Variants in CHD5 observed in about 807,000 individuals in gnomAD.
CHD5 encodes ATP-dependent chromatin remodeler CHD5.
In CHD5, 69 loss-of-function variants were observed where a neutral mutation model predicts 230.3. That is an observed-to-expected ratio of 0.30 (90% CI 0.25 to 0.37). CHD5 has a LOEUF of 0.37. Ranked by LOEUF, CHD5 falls within the 10% of genes least tolerant of loss-of-function variation. CHD5 has a pLI of 1.00. For missense variants in CHD5, 1,827 were observed against 2,622.8 expected (o/e 0.70, Z 6.63); for synonymous variants, 1,064 against 1,065.9 (o/e 1.00, Z 0.03).
chr1:6,169,722 A>G (rs1482378989), intron 1 of CHD5, among the ~76,000 whole-genome samples: 1 of 152,180 alleles, frequency 6.6e-6, no homozygotes, highest in South Asian at 2.1e-4. Flanking sequence ...AGAACCTCCA[A>G]GAGTCCTCTA....
At chr1:6,179,201 C>T (rs1028370830) in intron 1 of CHD5, among the ~76,000 whole-genome samples, 5 of 152,214 alleles carry the variant, frequency 3.3e-5, no homozygotes, top group African/African-American at 7.2e-5. Flanking sequence ...GCGTCAGGCC[C>T]GTAGCCAAGG....
rs772682936 is a variant in CHD5 at position 6,146,326 on chromosome 1, C to T, written c.1688G>A (p.Gly563Asp). ...CTTGTTCTTCCTCTTCTCGCTCTTG[C>T]CGTCTTCATCCCCAGAGCCGTAGTC... is the stretch of plus-strand genomic sequence containing the variant. ...PFDYGSGDED[G>D]KSEKRKNKDP... is the part of the protein sequence containing the mutation. The change falls in exon 11 of 42, where the codon GGC becomes GAC. Residue 563 changes from glycine (G) to aspartate (D), a missense_variant. Physicochemically the swap from Gly to Asp is moderately conservative, Grantham distance 94 (BLOSUM62 -1). Transcript: ENST00000262450. The surrounding 1 kb of genome is among the most constrained non-coding windows in gnomAD (Gnocchi z 5.1). 3 of 1,614,180 alleles carry T rather than the reference C, an allele frequency of 1.9e-6. No individual in the cohort carries two copies. The highest frequency in any genetic ancestry group is 1.1e-5 in the South Asian group (1 of 91,090).
At chr1:6,174,157 G>A (rs1335243704) in intron 1 of CHD5, among the ~76,000 whole-genome samples, 2 of 151,552 alleles carry the variant, frequency 1.3e-5, no homozygotes, top group African/African-American at 2.4e-5. Context: ...ACAAAAGAGA[G>A]AAAAACGGCC....
At position 6,159,531 on chromosome 1, in the gene CHD5, G is replaced by A; in HGVS notation, c.208-16C>T. The A allele has an allele frequency of 1.3e-6, 2 of 1,588,366 alleles. No homozygotes were observed. The highest frequency in any genetic ancestry group is 2.3e-5 in the East Asian group (1 of 44,014). On this transcript the variant is annotated splice_polypyrimidine_tract_variant and intron_variant, in intron 2 of 41. Coordinates refer to ENST00000262450, the MANE Select transcript of CHD5 (RefSeq NM_015557.3). Reference sequence around the variant, plus strand: ...CATTGCTCCCCTGGAAAAGAAGGGGGACAGTGAGGGCAACAGAGGCCCCAG... The same window carrying A: ...CATTGCTCCCCTGGAAAAGAAGGGGAACAGTGAGGGCAACAGAGGCCCCAG...
chr1:6,151,867 CA>C, intron 6 of CHD5, among the ~76,000 whole-genome samples: 1 of 152,266 alleles, frequency 6.6e-6, no homozygotes, highest in African/African-American at 2.4e-5. Context: ...CTCACACTCA[CA>C]GAGAAAGGGG....
chr1:6,157,466 C>G (rs1025493619), intron 3 of CHD5, among the ~76,000 whole-genome samples: 1 of 152,226 alleles, frequency 6.6e-6, no homozygotes, highest in Admixed American at 6.5e-5. Context: ...CCCACAACCC[C>G]GAAGCCCCTT....
In CHD5 at chr1:6,146,418, C is replaced by T. The variant is rs1381304760; in HGVS notation, c.1596G>A (p.Glu532=). 2 of 1,613,044 alleles carry T rather than the reference C, an allele frequency of 1.2e-6. No homozygotes were observed. The highest frequency in any genetic ancestry group is 1.3e-5 in the African/African-American group (1 of 74,882). ...HCSWVKELQL[E]LYHTVMYRNY... is the part of the protein sequence containing the mutation. ...TGCGATACATCACCGTGTGGTACAG[C>T]TCCAGCTGCTCATGGAGCGGCACAA... is the stretch of plus-strand genomic sequence containing the variant. Residue 532 remains glutamate (E), a synonymous_variant, in exon 11 of 42, where the codon GAG becomes GAA. Coordinates refer to ENST00000262450, the MANE Select transcript of CHD5 (RefSeq NM_015557.3). The surrounding 1 kb of genome is among the most constrained non-coding windows in gnomAD (Gnocchi z 5.1).
chr1:6,128,005 G>A lies in CHD5; in HGVS notation c.3903+41C>T. On this transcript the variant is annotated intron_variant, in intron 25 of 41. Coordinates refer to ENST00000262450, the MANE Select transcript of CHD5 (RefSeq NM_015557.3). The surrounding 1 kb of genome is among the most constrained non-coding windows in gnomAD (Gnocchi z 7.8). ...ACAGTGGGGGGCGGGGCTGCGGATG[G>A]AGGGCGGGGCTGCGGATGGAGGGCG... is the stretch of plus-strand genomic sequence containing the variant. 2 of 1,518,830 alleles carry A rather than the reference G, an allele frequency of 1.3e-6. No individual in the cohort carries two copies. Among genetic ancestry groups the A allele is most frequent in the South Asian group, 1.2e-5 (1 of 80,662 alleles). 94.1% of individuals were successfully genotyped at this position (1,518,830 alleles called of 1,614,324 possible).
In CHD5 at chr1:6,125,181, C is replaced by T. The variant is rs866772665; in HGVS notation, c.4313G>A (p.Arg1438His). The T allele has an allele frequency of 1.2e-6, 2 of 1,606,786 alleles. No individual in the cohort carries two copies. Among genetic ancestry groups the T allele is most frequent in the Non-Finnish European group, 1.7e-6 (2 of 1,177,716 alleles). ...QRKAFLNAIM[R>H]WGMPPQDAFN... ...GGCGTCCTGCGGGGGCATGCCCCAG[C>T]GCATGATGGCGTTCAGAAAGGCCTT... The change falls in exon 29 of 42, where the codon CGC becomes CAC. Residue 1438 changes from arginine to histidine, a missense_variant. Around this residue, in one of 14 missense-constraint regions of CHD5, gnomAD observed 108 missense variants for 152.4 expected, o/e 0.71. Coordinates refer to ENST00000262450, the MANE Select transcript of CHD5 (RefSeq NM_015557.3). This position sits in a 1 kb window ranked among gnomAD's most constrained non-coding sequence, Gnocchi z 6.7.
chr1:6,151,208 G>C, intron 6 of CHD5, 53 bp from the exon 7 acceptor site: 2 of 1,550,272 alleles, frequency 1.3e-6, no homozygotes, highest in Admixed American at 1.8e-5. Context: ...AGAAGGCTTC[G>C]CTGGCCCAGG....
intron 6 of CHD5, 68 bp from the exon 7 acceptor site, chr1:6,151,223 G>A: frequency 6.6e-7 from 1 of 1,518,862 alleles, no homozygotes; most frequent in Non-Finnish European, 8.9e-7. Context: ...CCCAGGCAGT[G>A]TGGGGTGGGA....
chr1:6,168,916 G>A (rs1438610445), intron 1 of CHD5, among the ~76,000 whole-genome samples: 1 of 152,052 alleles, frequency 6.6e-6, no homozygotes, highest in East Asian at 1.9e-4. Context: ...CTATTCGGGA[G>A]GCTGAGGCTG....
intron 6 of CHD5, 71 bp from the exon 7 acceptor site, chr1:6,151,226 G>A (rs1270908293): frequency 2.7e-5 from 41 of 1,502,338 alleles, no homozygotes; most frequent in Middle Eastern, 2.2e-4. Context: ...AGGCAGTGTG[G>A]GGTGGGACAA....
chr1:6,104,948 G>C lies in CHD5; in HGVS notation c.*526C>G, dbSNP rs1362149888. ...GGGGCTGTCACACAGGTGCAGACAG[G>C]TCAGGTAGGGGACACTGAGGGCTCC... On this transcript the variant is annotated 3_prime_UTR_variant, in exon 42 of 42. Coordinates refer to ENST00000262450, the MANE Select transcript of CHD5 (RefSeq NM_015557.3). The C allele has an allele frequency of 5.4e-6, 1 of 185,392 alleles. No homozygotes were observed. The highest frequency in any genetic ancestry group is 1.1e-5 in the Non-Finnish European group (1 of 88,434). The allele number at this position is 185,392 out of a possible 1,614,324, so 11.5% of individuals were successfully genotyped here.
intron 29 of CHD5, 62 bp from the exon 30 acceptor site, chr1:6,124,723 G>C: frequency 9.5e-7 from 1 of 1,047,528 alleles, no homozygotes; most frequent in South Asian, 1.5e-5. Flanking sequence ...CCCTCTGAGA[G>C]GGCTGGCAGG....
chr1:6,149,546 AGACT>A (rs1216146185), intron 7 of CHD5, 134 bp from the exon 8 acceptor site: 4 of 763,068 alleles, frequency 5.2e-6, no homozygotes, highest in Non-Finnish European at 7.8e-6. Context: ...GTGGGTGAAT[AGACT>A]GATGGTTGAG....
rs750132595 is a variant in CHD5, at chr1:6,102,102, C to G, written c.*3372G>C. On this transcript the variant is annotated 3_prime_UTR_variant, in exon 42 of 42. Coordinates refer to ENST00000262450, the MANE Select transcript of CHD5 (RefSeq NM_015557.3). ...GCCGGTGGAGTCTGCTCCCTCCACA[C>G]CCCTGAACTCAGACCCCACGGGCCA... The G allele has an allele frequency of 5.6e-6, 2 of 359,146 alleles. No homozygotes were observed. The highest frequency in any genetic ancestry group is 1.1e-5 in the Non-Finnish European group (2 of 180,416). 22.2% of individuals were successfully genotyped at this position (359,146 alleles called of 1,614,324 possible).
In CHD5 at chr1:6,112,187, T is replaced by G; in HGVS notation, c.5093A>C (p.Lys1698Thr). ...EDDEGKKEDK[K>T]GKFKFMFNIA... ...GTTGAACATGAACTTGAATTTCCCC[T>G]TCTTGTCCTCCTTCTTCCCCTCGTC... is the stretch of plus-strand genomic sequence containing the variant. The change falls in exon 35 of 42, where the codon AAG becomes ACG. Residue 1698 changes from lysine (K) to threonine (T), a missense_variant. Transcript: ENST00000262450. 6.2e-7 allele frequency: 1 copy of G among 1,614,178 alleles called. No individual in the cohort carries two copies. The highest frequency in any genetic ancestry group is 8.5e-7 in the Non-Finnish European group (1 of 1,180,020).
In CHD5 at chr1:6,148,778, C is replaced by T. The variant is rs1288709121; in HGVS notation, c.1383+76G>A. The T allele has an allele frequency of 3.1e-6, 4 of 1,274,744 alleles. No homozygotes were observed. The African/African-American group carries it at 4.9e-5, about 16-fold the overall frequency. 79.0% of individuals were successfully genotyped at this position (1,274,744 alleles called of 1,614,324 possible). On this transcript the variant is annotated intron_variant, in intron 9 of 41. Coordinates refer to ENST00000262450, the MANE Select transcript of CHD5 (RefSeq NM_015557.3). ...CAGGGGCGGGGCCTTTTGAGGAGGGCAGGCCTTCCCCTGGGGGCGGGGCCT... is the reference window on the plus strand; with the variant it reads ...CAGGGGCGGGGCCTTTTGAGGAGGGTAGGCCTTCCCCTGGGGGCGGGGCCT...
Sources: gnomAD v4.1 joint callset for allele counts (sites outside exome capture counted in the v4.1 genomes callset) on GRCh38, gnomAD v4.1.1 for gene constraint, gnomAD v4.1.1 regional missense constraint, Gnocchi (gnomAD v3.1) non-coding constraint, MANE v1.5 for transcripts, NCBI Gene and HGNC (gene_info 2026-07-23, HGNC 2026-07-21) for gene names.